Variants in PCM1 observed in about 807,000 individuals in gnomAD.
PCM1 encodes pericentriolar material 1 protein.
PCM1 carries 157 observed loss-of-function variants against 241.9 expected under a neutral mutation model. That is an observed-to-expected ratio of 0.65 (90% confidence interval 0.57 to 0.74). The LOEUF (loss-of-function observed/expected upper bound fraction) is 0.74, where lower values mean the gene tolerates loss of function less well. Among genes scored for constraint, PCM1 ranks in the 30% least tolerant of loss-of-function variants. The pLI is 0.00. For missense variants in PCM1, 3,478 were observed against 2,360.1 expected, an observed-to-expected ratio of 1.47 and a Z score of -9.81; for synonymous variants, 1,085 against 784.9, an observed-to-expected ratio of 1.38 and a Z score of -6.39.
chr8:18,023,459 G>A (rs1171284418), intron 36 of PCM1, among the ~76,000 whole-genome samples: 2 of 152,064 alleles, frequency 1.3e-5, no homozygotes, highest in Non-Finnish European at 2.9e-5. Flanking sequence ...TGATACTTTC[G>A]ATACTCTTCA....
At chr8:17,967,196 A>G in intron 21 of PCM1, 26 bp downstream of exon 21, 1 of 1,517,438 alleles carries the variant, frequency 6.6e-7, no homozygotes, top group Non-Finnish European at 9.0e-7. Flanking sequence ...TAAAGAGAAA[A>G]TAAATAAAAG....
intron 29 of PCM1, among the ~76,000 whole-genome samples, chr8:17,993,952 A>C (rs1393672701): frequency 6.6e-6 from 1 of 152,168 alleles, no homozygotes; most frequent in East Asian, 1.9e-4. Flanking sequence ...TACATGAAAT[A>C]GTTTGATACA....
intron 22 of PCM1, among the ~76,000 whole-genome samples, chr8:17,971,386 A>G (rs2076793367): frequency 6.6e-6 from 1 of 152,186 alleles, no homozygotes; most frequent in Middle Eastern, 3.2e-3. Flanking sequence ...AGAGATTTAT[A>G]AAGCACATTG....
intron 38 of PCM1, among the ~76,000 whole-genome samples, chr8:18,026,705 C>T (rs1470123480): frequency 1.3e-5 from 2 of 151,986 alleles, no homozygotes; most frequent in East Asian, 1.9e-4. Context: ...TCTCCTCCTC[C>T]TCTCAGTGTT....
At chr8:17,931,880 A>T (rs1318965294) in intron 2 of PCM1, among the ~76,000 whole-genome samples, 1 of 152,168 alleles carries the variant, frequency 6.6e-6, no homozygotes, top group Non-Finnish European at 1.5e-5. Context: ...TTTAAAATAT[A>T]TTTCTAGTAT....
In PCM1 at chr8:18,028,736, A is replaced by G. The variant is rs1007169239; in HGVS notation, c.*1074A>G. 1.8e-4 allele frequency: 36 copies of G among 198,170 alleles called. No individual in the cohort carries two copies. The highest frequency in any genetic ancestry group is 8.3e-4 in the African/African-American group (36 of 43,490). The allele number at this position is 198,170 out of a possible 1,614,324, so 12.3% of individuals were successfully genotyped here. ...AAAACCAGTCAACAATGAGTAAGTC[A>G]ATCTTATAGATTCTTCTTCCTCGAA... On this transcript the variant is annotated 3_prime_UTR_variant, in exon 39 of 39. Transcript: ENST00000325083.
intron 29 of PCM1, among the ~76,000 whole-genome samples, chr8:18,000,828 G>C (rs148194151): frequency 6.6e-6 from 1 of 152,080 alleles, no homozygotes; most frequent in African/African-American, 2.4e-5. Context: ...TCCCTATGTT[G>C]ACCACGCTGA....
At chr8:17,977,305 C>G (rs2079117001) in intron 23 of PCM1, among the ~76,000 whole-genome samples, 2 of 151,764 alleles carry the variant, frequency 1.3e-5, no homozygotes, top group Admixed American at 6.6e-5. Flanking sequence ...GTGGCAGAGG[C>G]TAAACTTTAG....
chr8:17,936,486 A>G (rs1424258224), intron 3 of PCM1, among the ~76,000 whole-genome samples: 4 of 152,306 alleles, frequency 2.6e-5, no homozygotes, highest in Admixed American at 1.3e-4. Context: ...AATGTTTTCT[A>G]TTTGAAACTA....
intron 23 of PCM1, among the ~76,000 whole-genome samples, chr8:17,980,000 G>A (rs987157204): frequency 1.3e-5 from 2 of 151,544 alleles, no homozygotes; most frequent in South Asian, 2.1e-4. Flanking sequence ...TATATTGACC[G>A]ATGTGTATTT....
In PCM1 at chr8:18,013,998, G is replaced by A. The variant is rs1171757538; in HGVS notation, c.5546G>A (p.Ser1849Asn). The change falls in exon 35 of 39, where the codon AGC becomes AAC. Residue 1849 changes from serine to asparagine, a missense_variant. Physicochemically the swap from Ser to Asn is conservative, Grantham distance 46 (BLOSUM62 1). Transcript: ENST00000325083. ...CGTGACTTTAAAAAGACAGCAGAAAGCAAAAATGTCCCATTGGAACGAGAA... is the reference window on the plus strand; with the variant it reads ...CGTGACTTTAAAAAGACAGCAGAAAACAAAAATGTCCCATTGGAACGAGAA... Reference protein sequence around the residue: ...LQRDFKKTAESKNVPLEREAT... With the variant: ...LQRDFKKTAENKNVPLEREAT... The A allele has an allele frequency of 1.2e-6, 2 of 1,601,262 alleles. No homozygotes were observed. Among genetic ancestry groups the A allele is most frequent in the African/African-American group, 1.4e-5 (1 of 73,602 alleles).
Position 17,966,096 on chromosome 8 carries a change from C to G in PCM1, c.2953C>G (p.Arg985Gly), listed in dbSNP as rs747828054. The G allele has an allele frequency of 6.2e-7, 1 of 1,613,778 alleles. No homozygotes were observed. ...NISMQRQENL[R>G]WVSELSYVEE... ...CAGCATGCAACGGCAAGAAAACCTT[C>G]GTTGGGTGTCAGAGCTCTCTTACGT... The change falls in exon 19 of 39, where the codon CGT (arginine) becomes GGT (glycine). Residue 985 changes from arginine (R) to glycine (G), a missense_variant. Coordinates refer to ENST00000325083, the MANE Select transcript of PCM1 (RefSeq NM_006197.4).
intron 9 of PCM1, among the ~76,000 whole-genome samples, chr8:17,954,905 ACAGTCACTTTTAACACTTTTCTTT>A (rs1480939820): frequency 1.1e-4 from 17 of 152,320 alleles, no homozygotes; most frequent in African/African-American, 4.1e-4. Context: ...TTGAGGTACC[ACAGTCACTTTTAACACTTTTCTTT>A]CTCTCCTGGA....
In PCM1 at chr8:17,950,604, T is replaced by G; in HGVS notation, c.962-11T>G. The G allele has an allele frequency of 1.4e-6, 2 of 1,416,128 alleles. No homozygotes were observed. The highest frequency in any genetic ancestry group is 2.0e-6 in the Non-Finnish European group (2 of 1,008,566). 87.7% of individuals were successfully genotyped at this position (1,416,128 alleles called of 1,614,324 possible). ...ATTTACATTAATCAGTAGTTACTAATTTCTTTCCAGTTGTTGCAGAAACTG... is the reference window on the plus strand; with the variant it reads ...ATTTACATTAATCAGTAGTTACTAAGTTCTTTCCAGTTGTTGCAGAAACTG... On this transcript the variant is annotated splice_polypyrimidine_tract_variant and intron_variant, in intron 7 of 38. Transcript: ENST00000325083.
chr8:17,947,884 T>C (rs1263195371), intron 7 of PCM1, among the ~76,000 whole-genome samples: 1 of 152,214 alleles, frequency 6.6e-6, no homozygotes, highest in Non-Finnish European at 1.5e-5. Context: ...TATACATTCT[T>C]CGTAAGACTC....
rs746585607 is a variant in PCM1, at chr8:17,972,429, T to C, written c.3685T>C (p.Ser1229Pro). Residue 1229 changes from serine (S) to proline (P), a missense_variant, in exon 23 of 39, where the codon TCA becomes CCA. Physicochemically the swap from Ser to Pro is moderately conservative, Grantham distance 74. Transcript: ENST00000325083. ...GAAACCATTTATCAAGACTGGATTT[T>C]CAGTGTCTGTAGAAAAATCTACAAG... ...VEKPFIKTGF[S>P]VSVEKSTSSN... 3.1e-6 allele frequency: 5 copies of C among 1,612,786 alleles called. No homozygotes were observed. The East Asian group carries it at 1.1e-4, about 36-fold the overall frequency.
intron 24 of PCM1, 41 bp from the exon 25 acceptor site, chr8:17,985,406 A>G (rs1424248762): frequency 2.2e-6 from 3 of 1,338,108 alleles, no homozygotes; most frequent in African/African-American, 1.5e-5. Flanking sequence ...TCATGAAGGT[A>G]CTTCATCAAT....
rs1421726353 is a variant in PCM1, at chr8:17,957,696, A to C, written c.1961A>C (p.Glu654Ala). Residue 654 changes from glutamate to alanine, a missense_variant, in exon 13 of 39, where the codon GAA becomes GCA. By Grantham distance (107) the Glu-to-Ala change is moderately radical (BLOSUM62 -1). Transcript: ENST00000325083. ...SLVDEHPEDAEFEQKINRLMA... is the reference protein window; with the variant it reads ...SLVDEHPEDAAFEQKINRLMA... ...GTTGATGAGCATCCAGAAGATGCTG[A>C]ATTTGAACAGAAGATCAACCGACTT... 1.7e-5 allele frequency: 27 copies of C among 1,612,856 alleles called. No homozygotes were observed. Among genetic ancestry groups the C allele is most frequent in the Non-Finnish European group, 2.3e-5 (27 of 1,179,434 alleles).
intron 20 of PCM1, 93 bp from the exon 21 acceptor site, chr8:17,966,887 T>C: frequency 8.4e-7 from 1 of 1,197,022 alleles, no homozygotes; most frequent in Middle Eastern, 2.0e-4. Flanking sequence ...CTGCATGCTT[T>C]TGAATCATTT....
Sources: gnomAD v4.1 joint callset for allele counts (sites outside exome capture counted in the v4.1 genomes callset) on GRCh38, gnomAD v4.1.1 for gene constraint, MANE v1.5 for transcripts, NCBI Gene and HGNC (gene_info 2026-07-23, HGNC 2026-07-21) for gene names.